Variants in KIZ observed in about 807,000 individuals in gnomAD.
KIZ encodes kizuna centrosomal protein.
A neutral mutation model predicts 79.6 loss-of-function variants in KIZ; 68 were observed. That is an observed-to-expected ratio of 0.85 (90% CI 0.70 to 1.05). The LOEUF (loss-of-function observed/expected upper bound fraction) is 1.05. KIZ is among the 50% of genes least tolerant of loss of function. The pLI is 0.00. For synonymous variants in KIZ, 280 were observed against 281.8 expected (o/e 0.99, Z 0.06); for missense variants, 797 against 800.4 (o/e 1.00, Z 0.05).
At chr20:21,171,947 A>C (rs1205984500) in intron 6 of KIZ, among the ~76,000 whole-genome samples, 2 of 152,160 alleles carry the variant, frequency 1.3e-5, no homozygotes, top group Non-Finnish European at 2.9e-5. Context: ...GTCCCCACCA[A>C]GGTGCTGGAC....
intron 6 of KIZ, among the ~76,000 whole-genome samples, chr20:21,205,258 G>GGTT (rs1424545270): frequency 6.6e-6 from 1 of 152,132 alleles, no homozygotes; most frequent in Non-Finnish European, 1.5e-5. Flanking sequence ...GAGCTCCCCA[G>GGTT]GTTGTTCTGT....
At chr20:21,130,901 A>G (rs1423494134) in intron 1 of KIZ, among the ~76,000 whole-genome samples, 1 of 152,276 alleles carries the variant, frequency 6.6e-6, no homozygotes, top group Non-Finnish European at 1.5e-5. Flanking sequence ...CAAATGGAGC[A>G]TGGGGCCAGC....
At chr20:21,182,167 G>A (rs1052566686) in intron 6 of KIZ, among the ~76,000 whole-genome samples, 2 of 152,170 alleles carry the variant, frequency 1.3e-5, no homozygotes, top group Admixed American at 6.5e-5. Context: ...TGGGTTAGAT[G>A]AGGTCAGGAA....
At chr20:21,222,043 A>G (rs1224406496) in intron 9 of KIZ, among the ~76,000 whole-genome samples, 1 of 152,254 alleles carries the variant, frequency 6.6e-6, no homozygotes, top group Non-Finnish European at 1.5e-5. Context: ...GTCCATTGAA[A>G]GTCCACGTGG....
chr20:21,153,432 A>G (rs2033218743), intron 4 of KIZ, among the ~76,000 whole-genome samples: 2 of 152,184 alleles, frequency 1.3e-5, no homozygotes, highest in Admixed American at 1.3e-4. Flanking sequence ...TTAAAGCCTA[A>G]TTTAACAGAT....
intron 2 of KIZ, chr20:21,132,943 C>T (rs1600346302): frequency 6.6e-6 from 1 of 152,122 alleles, no homozygotes; most frequent in South Asian, 2.1e-4. Flanking sequence ...ATATATTGTA[C>T]GCATTATCCT....
chr20:21,184,125 C>A lies in KIZ; in HGVS notation c.1352+20966C>A, dbSNP rs543646918. 4.0e-5 allele frequency among the ~76,000 whole-genome samples: 6 copies of A among 151,684 alleles called. No homozygotes were observed. The South Asian group carries it at 1.3e-3, about 32-fold the overall frequency. ...TGCCAGGTGGCAGACCCAACACTTT[C>A]CTTCTCTGCATCCCTGACATCTTTT... is the stretch of plus-strand genomic sequence containing the variant. On this transcript the variant is annotated intron_variant, in intron 6 of 12. Coordinates refer to ENST00000619189, the MANE Select transcript of KIZ (RefSeq NM_018474.6).
At position 21,184,230 on chromosome 20, in the gene KIZ, C is replaced by G. The variant is rs369131971; in HGVS notation, c.1352+21071C>G. Among the ~76,000 whole-genome samples, 3 of 151,882 alleles carry G rather than the reference C, an allele frequency of 2.0e-5. No homozygotes were observed. In the South Asian group the frequency reaches 6.3e-4, roughly 32 times the overall value. ...TGGTGCGATCTCAGATCACTGCAACCTCTGCCTCCTGGGTACAAGTGATTC... is the reference window on the plus strand; with the variant it reads ...TGGTGCGATCTCAGATCACTGCAACGTCTGCCTCCTGGGTACAAGTGATTC... On this transcript the variant is annotated intron_variant, in intron 6 of 12. Coordinates refer to ENST00000619189, the MANE Select transcript of KIZ (RefSeq NM_018474.6).
intron 6 of KIZ, among the ~76,000 whole-genome samples, chr20:21,176,655 T>G (rs2034449017): frequency 6.6e-6 from 1 of 151,640 alleles, no homozygotes; most frequent in Non-Finnish European, 1.5e-5. Flanking sequence ...TTTTTCAGAC[T>G]AGGAATTTAA....
At chr20:21,242,032 G>A (rs898357701) in intron 11 of KIZ, among the ~76,000 whole-genome samples, 22 of 152,132 alleles carry the variant, frequency 1.4e-4, no homozygotes, top group Admixed American at 1.1e-3. Flanking sequence ...AGTGAAGTTC[G>A]CTTGTTCATT....
At chr20:21,142,141 G>A (rs147670307) in intron 3 of KIZ, among the ~76,000 whole-genome samples, 2 of 151,752 alleles carry the variant, frequency 1.3e-5, no homozygotes, top group African/African-American at 2.4e-5. Flanking sequence ...ATGCACCCGC[G>A]GTGCTTTAAG....
At chr20:21,136,657 A>T in intron 3 of KIZ, 105 bp downstream of exon 3, 4 of 760,766 alleles carry the variant, frequency 5.3e-6, no homozygotes. Flanking sequence ...AGACTTGAAC[A>T]CCTGGGCTCA....
At chr20:21,243,831 C>T (rs1295481442) in intron 11 of KIZ, among the ~76,000 whole-genome samples, 1 of 152,168 alleles carries the variant, frequency 6.6e-6, no homozygotes, top group Admixed American at 6.5e-5. Flanking sequence ...ATCTTGAATT[C>T]CCTACTGCAA....
intron 3 of KIZ, among the ~76,000 whole-genome samples, chr20:21,137,888 C>T (rs1213853432): frequency 2.6e-5 from 4 of 152,198 alleles, no homozygotes; most frequent in Non-Finnish European, 5.9e-5. Context: ...GCGAGCCTCC[C>T]TCCTCAGCCT....
At chr20:21,241,247 AG>A (rs2037206338) in intron 11 of KIZ, among the ~76,000 whole-genome samples, 1 of 152,218 alleles carries the variant, frequency 6.6e-6, no homozygotes, top group South Asian at 2.1e-4. Context: ...TATGACCTAG[AG>A]AAAAAAATGT....
At chr20:21,136,604 T>G in intron 3 of KIZ, 52 bp downstream of exon 3, 1 of 1,356,770 alleles carries the variant, frequency 7.4e-7, no homozygotes, top group Non-Finnish European at 9.9e-7. Context: ...TGTGTGTTTT[T>G]TTTTTTTTCT....
At chr20:21,245,735 G>A (rs974651934) in intron 12 of KIZ, 2 of 152,252 alleles carry the variant, frequency 1.3e-5, no homozygotes, top group African/African-American at 4.8e-5. Flanking sequence ...AGCGTGCTCA[G>A]CCCTCACAAG....
intron 6 of KIZ, among the ~76,000 whole-genome samples, chr20:21,182,054 G>C (rs2122924340): frequency 6.6e-6 from 1 of 152,296 alleles, no homozygotes; most frequent in African/African-American, 2.4e-5. Context: ...AGTGGCAGCA[G>C]CAGTGCTATT....
intron 3 of KIZ, among the ~76,000 whole-genome samples, chr20:21,136,866 A>G (rs933638905): frequency 6.6e-6 from 1 of 152,156 alleles, no homozygotes; most frequent in African/African-American, 2.4e-5. Context: ...TTTGTTGTTC[A>G]TAATTAGGAT....
Sources: allele counts gnomAD v4.1 joint callset (sites outside exome capture counted in the v4.1 genomes callset), GRCh38; gene constraint gnomAD v4.1.1; transcripts MANE v1.5; gene names NCBI Gene and HGNC (gene_info 2026-07-23, HGNC 2026-07-21).